CENPP: variants seen among roughly 807,000 people sequenced by gnomAD.
CENPP encodes the protein centromere protein P.
A neutral mutation model predicts 35.6 loss-of-function variants in CENPP; 24 were observed. The observed-to-expected ratio is 0.67, with a 90% CI of 0.49 to 0.95. CENPP has a LOEUF of 0.95. CENPP is among the 40% of genes least tolerant of loss of function. CENPP has a pLI of 0.00. For synonymous variants in CENPP, 120 were observed against 125.5 expected (o/e 0.96, Z 0.29); for missense variants, 332 against 345.3 (o/e 0.96, Z 0.31).
intron 5 of CENPP, among the ~76,000 whole-genome samples, chr9:92,579,143 C>G (rs1006546136): frequency 1.3e-5 from 2 of 149,246 alleles, no homozygotes; most frequent in East Asian, 3.9e-4. Context: ...GGGCTCTGTT[C>G]TGTTCCATTG....
chr9:92,361,959 G>A (rs935169361), intron 4 of CENPP, among the ~76,000 whole-genome samples: 8 of 151,898 alleles, frequency 5.3e-5, no homozygotes, highest in Non-Finnish European at 1.2e-4. Flanking sequence ...CCTGGGGAGT[G>A]GAGGTTGCAG....
At chr9:92,376,020 T>C (rs1278969270) in intron 4 of CENPP, among the ~76,000 whole-genome samples, 1 of 152,188 alleles carries the variant, frequency 6.6e-6, no homozygotes, top group African/African-American at 2.4e-5. Context: ...TTTGGTTCTG[T>C]ATGGGGACAC....
chr9:92,449,594 T>C (rs10820974), intron 5 of CENPP, among the ~76,000 whole-genome samples: 61,515 of 151,978 alleles, frequency 0.4, 14,556 homozygotes, highest in African/African-American at 0.65. Context: ...GGATCTGTGT[T>C]CCCACCCAAA....
intron 5 of CENPP, chr9:92,390,172 A>G (rs1476250584): frequency 3.1e-6 from 2 of 636,380 alleles, no homozygotes; most frequent in Non-Finnish European, 5.4e-6. Context: ...AGTGCCTGGT[A>G]GACTGTTTAC....
intron 5 of CENPP, among the ~76,000 whole-genome samples, chr9:92,550,997 T>G (rs1175340125): frequency 6.6e-6 from 1 of 152,140 alleles, no homozygotes. Flanking sequence ...TGGTCTGTCT[T>G]CAGGGTGATA....
At chr9:92,404,626 C>T (rs2130936935) in intron 5 of CENPP, 1 of 1,280,976 alleles carries the variant, frequency 7.8e-7, no homozygotes, top group East Asian at 5.8e-5. Context: ...AATTTCAGGG[C>T]CCAGCAGCTT....
At chr9:92,510,792 T>C (rs1418018437) in intron 5 of CENPP, among the ~76,000 whole-genome samples, 2 of 152,198 alleles carry the variant, frequency 1.3e-5, no homozygotes, top group Non-Finnish European at 2.9e-5. Flanking sequence ...CTTACAAATT[T>C]TTCTCTTGGA....
chr9:92,521,902 A>G (rs1189561625), intron 5 of CENPP, among the ~76,000 whole-genome samples: 1 of 152,200 alleles, frequency 6.6e-6, no homozygotes, highest in Non-Finnish European at 1.5e-5. Flanking sequence ...GTTTATGTAT[A>G]TTATCTATGT....
intron 3 of CENPP, among the ~76,000 whole-genome samples, chr9:92,339,150 A>T (rs1841027224): frequency 6.6e-6 from 1 of 152,238 alleles, no homozygotes; most frequent in African/African-American, 2.4e-5. Context: ...GCCTCAGCTC[A>T]TCAGATATCT....
intron 5 of CENPP, among the ~76,000 whole-genome samples, chr9:92,609,843 G>A (rs1476860740): frequency 1.3e-5 from 2 of 151,440 alleles, no homozygotes; most frequent in African/African-American, 4.9e-5. Context: ...TGGGTTCAAG[G>A]GGTTCTCCTG....
chr9:92,417,697 A>T, intron 5 of CENPP: 1 of 616,848 alleles, frequency 1.6e-6, no homozygotes, highest in Non-Finnish European at 2.6e-6. Context: ...AATATCCAGA[A>T]AGAATGGGCA....
intron 3 of CENPP, among the ~76,000 whole-genome samples, chr9:92,342,086 A>G (rs549638892): frequency 6.6e-6 from 1 of 152,404 alleles, no homozygotes; most frequent in East Asian, 1.9e-4. Flanking sequence ...CATGGCTTCA[A>G]GTCATGGCAC....
intron 5 of CENPP, among the ~76,000 whole-genome samples, chr9:92,564,823 T>C (rs1849927540): frequency 6.6e-6 from 1 of 152,186 alleles, no homozygotes; most frequent in Non-Finnish European, 1.5e-5. Context: ...ATAAGCACTT[T>C]CACACATTGT....
chr9:92,452,310 G>A (rs1253201007), intron 5 of CENPP, among the ~76,000 whole-genome samples: 1 of 150,246 alleles, frequency 6.7e-6, no homozygotes, highest in East Asian at 1.9e-4. Context: ...TAGCATGAAG[G>A]GTTGTTGAAT....
intron 5 of CENPP, among the ~76,000 whole-genome samples, chr9:92,538,396 T>C (rs1401355467): frequency 6.6e-6 from 1 of 152,218 alleles, no homozygotes; most frequent in Non-Finnish European, 1.5e-5. Flanking sequence ...AACAACAAAA[T>C]ATTAACAGTA....
chr9:92,567,385 T>TATATATATATATATATATATAG (rs1588281955), intron 5 of CENPP, among the ~76,000 whole-genome samples: 1 of 95,522 alleles, frequency 1.0e-5, no homozygotes, highest in South Asian at 2.6e-4. Flanking sequence ...TATATATATA[T>TATATATATATATATATATATAG]ATATATATAT....
intron 5 of CENPP, among the ~76,000 whole-genome samples, chr9:92,523,491 A>G (rs1848203419): frequency 6.6e-6 from 1 of 152,134 alleles, no homozygotes; most frequent in Admixed American, 6.5e-5. Flanking sequence ...AGAGTTCATA[A>G]AGATGGGAGC....
intron 4 of CENPP, among the ~76,000 whole-genome samples, chr9:92,352,505 G>GTGTGTGTGTATATATATATATA: frequency 2.2e-4 from 11 of 49,746 alleles, no homozygotes; most frequent in African/African-American, 5.4e-4. Flanking sequence ...GTGTGTGTGT[G>GTGTGTGTGTATATATATATATA]TATACATATA....
At chr9:92,341,685 TGGGCAGCCGCCCCA>T (rs1425392949) in intron 3 of CENPP, 2 of 152,380 alleles carry the variant, frequency 1.3e-5, no homozygotes, top group East Asian at 3.9e-4. Flanking sequence ...CTGCTGGGCC[TGGGCAGCCGCCCCA>T]GGGCAGCACA....
Sources: allele counts gnomAD v4.1 joint callset (sites outside exome capture counted in the v4.1 genomes callset), GRCh38; gene constraint gnomAD v4.1.1; transcripts MANE v1.5; gene names NCBI Gene and HGNC (gene_info 2026-07-23, HGNC 2026-07-21).